The following ANO2 variants were observed in gnomAD, a reference collection of about 807,000 sequenced individuals.
The protein encoded by ANO2 is anoctamin 2.
ANO2 carries 101 observed loss-of-function variants against 124.2 expected under a neutral mutation model. The observed-to-expected ratio is 0.81, with a 90% CI of 0.69 to 0.96. The LOEUF (loss-of-function observed/expected upper bound fraction) is 0.96. Ranked by LOEUF, ANO2 falls within the 40% of genes least tolerant of loss-of-function variation. ANO2 has a pLI of 0.00. For synonymous variants in ANO2, 486 were observed against 482.5 expected (o/e 1.01, Z -0.09); for missense variants, 1,293 against 1,274.5 (o/e 1.01, Z -0.22).
At chr12:5,880,461 T>A (rs78261986) in intron 3 of ANO2, among the ~76,000 whole-genome samples, 1 of 151,692 alleles carries the variant, frequency 6.6e-6, no homozygotes, top group African/African-American at 2.4e-5. Context: ...GACAGAACTC[T>A]GAGAACACTG....
chr12:5,700,094 T>TA (rs1238116212), intron 14 of ANO2, among the ~76,000 whole-genome samples: 1 of 152,198 alleles, frequency 6.6e-6, no homozygotes, highest in Non-Finnish European at 1.5e-5. Flanking sequence ...GCGGACCTAA[T>TA]AGACATCTAC....
chr12:5,734,445 G>C (rs1196982310), intron 13 of ANO2, among the ~76,000 whole-genome samples: 1 of 152,194 alleles, frequency 6.6e-6, no homozygotes, highest in Non-Finnish European at 1.5e-5. Flanking sequence ...TCAAGCCAGA[G>C]GAGCCTCTCC....
intron 23 of ANO2, 37 bp from the exon 24 acceptor site, chr12:5,565,700 G>A (rs368327905): frequency 5.1e-5 from 77 of 1,508,744 alleles, no homozygotes; most frequent in South Asian, 4.4e-4. Flanking sequence ...GATCAGGAGC[G>A]CATGGAGAAA....
intron 20 of ANO2, chr12:5,584,185 C>T (rs74056016): frequency 0.19 from 29,483 of 157,250 alleles, 2,928 homozygotes; most frequent in Non-Finnish European, 0.22. Flanking sequence ...GACTGGCACA[C>T]GGCAGTTGCC....
chr12:5,628,455 A>C (rs75024081), intron 16 of ANO2, among the ~76,000 whole-genome samples: 2 of 152,218 alleles, frequency 1.3e-5, no homozygotes, highest in East Asian at 3.9e-4. Context: ...AAGGCACTAG[A>C]GTGTCATGGT....
At chr12:5,715,546 G>C (rs1226145419) in intron 14 of ANO2, among the ~76,000 whole-genome samples, 1 of 152,152 alleles carries the variant, frequency 6.6e-6, no homozygotes, top group Non-Finnish European at 1.5e-5. Context: ...CTATGCTCCA[G>C]GACATCTGTT....
At chr12:5,847,263 T>C (rs909276252) in intron 4 of ANO2, among the ~76,000 whole-genome samples, 3 of 152,196 alleles carry the variant, frequency 2.0e-5, no homozygotes, top group Admixed American at 2.0e-4. Context: ...AAACTTGAAC[T>C]GAAACATCAG....
chr12:5,692,386 G>GTATCTTACT (rs1948981971), intron 14 of ANO2, among the ~76,000 whole-genome samples: 1 of 152,084 alleles, frequency 6.6e-6, no homozygotes, highest in Non-Finnish European at 1.5e-5. Context: ...ATGAACTTAA[G>GTATCTTACT]TAAGATACTT....
chr12:5,892,535 G>C (rs913108686), intron 3 of ANO2, among the ~76,000 whole-genome samples: 4 of 152,120 alleles, frequency 2.6e-5, no homozygotes, highest in African/African-American at 9.7e-5. Context: ...AAAGCAGCCA[G>C]AGATAAACAA....
intron 24 of ANO2, 26 bp from the exon 25 acceptor site, chr12:5,563,594 C>T (rs760452306): frequency 8.1e-6 from 13 of 1,611,604 alleles, no homozygotes; most frequent in Admixed American, 1.7e-5. Context: ...GAGAGAGGGG[C>T]TGAGTTGGAG....
At chr12:5,737,328 T>C (rs1224243514) in intron 13 of ANO2, among the ~76,000 whole-genome samples, 2 of 152,222 alleles carry the variant, frequency 1.3e-5, no homozygotes, top group African/African-American at 4.8e-5. Context: ...CCTCAAATCA[T>C]GTACCTCCCA....
chr12:5,810,020 T>C (rs566421490), intron 7 of ANO2, among the ~76,000 whole-genome samples: 2 of 152,222 alleles, frequency 1.3e-5, no homozygotes, highest in African/African-American at 2.4e-5. Flanking sequence ...AGGTAAAAGG[T>C]CCTTTGCTTT....
intron 10 of ANO2, among the ~76,000 whole-genome samples, chr12:5,774,419 T>A (rs1289278606): frequency 1.3e-5 from 2 of 152,052 alleles, no homozygotes; most frequent in East Asian, 3.9e-4. Flanking sequence ...TGAGTTGAGA[T>A]CACACCACCA....
At chr12:5,598,284 A>AT (rs1388987827) in intron 20 of ANO2, among the ~76,000 whole-genome samples, 3 of 152,284 alleles carry the variant, frequency 2.0e-5, no homozygotes, top group African/African-American at 7.2e-5. Flanking sequence ...ACATTGAGTG[A>AT]TTTTTTTGAT....
intron 16 of ANO2, among the ~76,000 whole-genome samples, chr12:5,621,569 C>T (rs1359275334): frequency 6.6e-6 from 1 of 152,070 alleles, no homozygotes; most frequent in Non-Finnish European, 1.5e-5. Context: ...CTGACAGGTG[C>T]GGGGAGGGCC....
chr12:5,675,090 A>T (rs1390122864), intron 14 of ANO2, among the ~76,000 whole-genome samples: 1 of 152,168 alleles, frequency 6.6e-6, no homozygotes, highest in African/African-American at 2.4e-5. Context: ...CCATCAATAC[A>T]AGCTGAATGA....
intron 14 of ANO2, among the ~76,000 whole-genome samples, chr12:5,661,321 T>C (rs1342382146): frequency 1.3e-5 from 2 of 152,202 alleles, no homozygotes; most frequent in African/African-American, 4.8e-5. Flanking sequence ...CCTTAGAGCA[T>C]TTGTTTAAAG....
At chr12:5,631,227 G>T (rs117075373) in intron 16 of ANO2, among the ~76,000 whole-genome samples, 2,099 of 152,330 alleles carry the variant, frequency 0.014, 21 homozygotes, top group Non-Finnish European at 0.023. Context: ...AATGAATAGT[G>T]TGGATAAGAG....
At chr12:5,719,634 G>A (rs1950148835) in intron 14 of ANO2, among the ~76,000 whole-genome samples, 2 of 152,150 alleles carry the variant, frequency 1.3e-5, no homozygotes, top group African/African-American at 4.8e-5. Flanking sequence ...ATCAAATATT[G>A]AATCTGCCAG....
Sources: gnomAD v4.1 joint callset for allele counts (sites outside exome capture counted in the v4.1 genomes callset) on GRCh38, gnomAD v4.1.1 for gene constraint, MANE v1.5 for transcripts, NCBI Gene and HGNC (gene_info 2026-07-23, HGNC 2026-07-21) for gene names.